The following ARHGAP26 variants were observed in gnomAD, a reference collection of about 807,000 sequenced individuals.
ARHGAP26 encodes rho GTPase-activating protein 26.
A neutral mutation model predicts 104.8 loss-of-function variants in ARHGAP26; 38 were observed. That is an observed-to-expected ratio of 0.36 (90% confidence interval 0.28 to 0.48). The LOEUF is 0.48. Ranked by LOEUF, ARHGAP26 falls within the 20% of genes least tolerant of loss-of-function variation. The probability of loss-of-function intolerance (pLI) is 0.99; values close to 1 mark genes in which losing one functional copy is unlikely to be tolerated. For synonymous variants in ARHGAP26, 341 were observed against 340.0 expected (o/e 1.00, Z -0.03); for missense variants, 704 against 947.9 (o/e 0.74, Z 3.38).
chr5:143,190,065 T>G (rs1018143559), intron 20 of ARHGAP26, among the ~76,000 whole-genome samples: 4 of 149,874 alleles, frequency 2.7e-5, no homozygotes, highest in Non-Finnish European at 5.9e-5. Flanking sequence ...GTTTCTGGGG[T>G]TCAGAATGCC....
chr5:143,199,758 G>A (rs922837842), intron 20 of ARHGAP26, among the ~76,000 whole-genome samples: 15 of 152,196 alleles, frequency 9.9e-5, no homozygotes, highest in Admixed American at 6.5e-4. Context: ...GCAGAGACGT[G>A]CAAATGCCAA....
chr5:143,143,546 A>G (rs1326037666), intron 19 of ARHGAP26, among the ~76,000 whole-genome samples: 1 of 152,240 alleles, frequency 6.6e-6, no homozygotes, highest in African/African-American at 2.4e-5. Flanking sequence ...CACTGTCATC[A>G]GTACTTTGGT....
chr5:143,114,917 G>A (rs1182809330), intron 17 of ARHGAP26, among the ~76,000 whole-genome samples: 1 of 152,070 alleles, frequency 6.6e-6, no homozygotes, highest in Non-Finnish European at 1.5e-5. Flanking sequence ...AACTTGCTGG[G>A]CAGGCTAGGG....
intron 10 of ARHGAP26, among the ~76,000 whole-genome samples, chr5:142,917,918 A>G (rs1042782143): frequency 1.2e-4 from 18 of 152,078 alleles, no homozygotes; most frequent in Non-Finnish European, 2.5e-4. Flanking sequence ...TAGCAGTAGT[A>G]TCACTTGTCA....
intron 17 of ARHGAP26, among the ~76,000 whole-genome samples, chr5:143,062,877 GCT>G (rs1701375827): frequency 1.3e-5 from 2 of 152,202 alleles, no homozygotes; most frequent in South Asian, 4.1e-4. Flanking sequence ...CATGAGAAGT[GCT>G]AGTTATTCAT....
At chr5:143,171,095 A>G (rs745486770) in intron 20 of ARHGAP26, among the ~76,000 whole-genome samples, 26 of 152,236 alleles carry the variant, frequency 1.7e-4, no homozygotes, top group Non-Finnish European at 3.4e-4. Flanking sequence ...TAAAGGATAA[A>G]AATGGATTCC....
intron 20 of ARHGAP26, among the ~76,000 whole-genome samples, chr5:143,190,972 T>C (rs1274498503): frequency 6.6e-6 from 1 of 152,204 alleles, no homozygotes; most frequent in Non-Finnish European, 1.5e-5. Context: ...TTGTGAAATA[T>C]CTAGAAAAGG....
At chr5:143,133,003 A>G (rs945688509) in intron 18 of ARHGAP26, among the ~76,000 whole-genome samples, 3 of 152,362 alleles carry the variant, frequency 2.0e-5, no homozygotes, top group Middle Eastern at 6.8e-3. Context: ...AGTGAGCTAC[A>G]TGAAAAGTAC....
intron 19 of ARHGAP26, among the ~76,000 whole-genome samples, chr5:143,145,731 T>C (rs1227510723): frequency 6.6e-6 from 1 of 152,168 alleles, no homozygotes; most frequent in Non-Finnish European, 1.5e-5. Flanking sequence ...TCAATCTACT[T>C]TTTCCAAATC....
intron 11 of ARHGAP26, among the ~76,000 whole-genome samples, chr5:142,992,616 A>G (rs1419903059): frequency 1.3e-5 from 2 of 151,454 alleles, no homozygotes; most frequent in Non-Finnish European, 2.9e-5. Context: ...TTTAGTAGAG[A>G]AGGGGTTTCA....
At chr5:143,136,266 AG>A (rs1797895377) in intron 19 of ARHGAP26, among the ~76,000 whole-genome samples, 2 of 152,196 alleles carry the variant, frequency 1.3e-5, no homozygotes, top group South Asian at 4.1e-4. Context: ...AGAGGATGAA[AG>A]TTAAGGATGT....
chr5:142,864,176 A>C lies in ARHGAP26; in HGVS notation c.155-9224A>C, dbSNP rs375233118. Reference sequence around the variant, plus strand: ...GGCCAAGCTCAAGTTCCACCTTCTGAGGAAGCCCAGTACTTCAGGCCTGTG... The same window carrying C: ...GGCCAAGCTCAAGTTCCACCTTCTGCGGAAGCCCAGTACTTCAGGCCTGTG... On this transcript the variant is annotated intron_variant, in intron 1 of 22. Transcript: ENST00000645722. Among the ~76,000 whole-genome samples the C allele has an allele frequency of 5.7e-4, 87 of 152,134 alleles. 1 individual carries two copies. Among genetic ancestry groups the C allele is most frequent in the African/African-American group, 2.1e-3 (86 of 41,476 alleles).
At chr5:142,888,085 A>G (rs1757981081) in intron 5 of ARHGAP26, among the ~76,000 whole-genome samples, 1 of 152,216 alleles carries the variant, frequency 6.6e-6, no homozygotes, top group Admixed American at 6.5e-5. Context: ...TTGAATGCAT[A>G]TTTATGGCCT....
At chr5:143,205,980 T>C (rs940321367) in intron 20 of ARHGAP26, among the ~76,000 whole-genome samples, 1 of 152,238 alleles carries the variant, frequency 6.6e-6, no homozygotes, top group Non-Finnish European at 1.5e-5. Context: ...TCACATTAGT[T>C]TGAGCCTCTC....
At chr5:142,810,952 A>G (rs1763957873) in intron 1 of ARHGAP26, among the ~76,000 whole-genome samples, 2 of 152,198 alleles carry the variant, frequency 1.3e-5, no homozygotes, top group South Asian at 4.1e-4. Flanking sequence ...TGTATTCACC[A>G]TATTCTTGGA....
At chr5:142,873,779 A>T (rs1365355796) in intron 2 of ARHGAP26, among the ~76,000 whole-genome samples, 1 of 152,074 alleles carries the variant, frequency 6.6e-6, no homozygotes, top group Non-Finnish European at 1.5e-5. Flanking sequence ...CCGGCTGGTG[A>T]CATTCTTCCC....
Position 142,880,911 on chromosome 5 carries a change from C to T in ARHGAP26, c.384+1466C>T, listed in dbSNP as rs567953792. On this transcript the variant is annotated intron_variant, in intron 4 of 22. Coordinates refer to ENST00000645722, the MANE Select transcript of ARHGAP26 (RefSeq NM_001135608.3). ...AGAGGGACTGTGGCAAAGACTTTCT[C>T]CCAGTTTTAGAGTATTTTCTACTAA... Among the ~76,000 whole-genome samples, 14 of 152,300 alleles carry T rather than the reference C, an allele frequency of 9.2e-5. No individual in the cohort carries two copies. The South Asian group carries it at 2.9e-3, about 32-fold the overall frequency.
At chr5:142,873,305 C>T (rs1206207696) in intron 1 of ARHGAP26, 95 bp from the exon 2 acceptor site, 2 of 834,902 alleles carry the variant, frequency 2.4e-6, no homozygotes, top group East Asian at 5.4e-5. Context: ...AAATCCGCCT[C>T]CTAAGATATT....
chr5:142,992,845 G>A (rs7712624), intron 11 of ARHGAP26, among the ~76,000 whole-genome samples: 3,621 of 152,302 alleles, frequency 0.024, 63 homozygotes, highest in Middle Eastern at 0.054. Flanking sequence ...TCTGTGCCTC[G>A]CCTGATGCGG....
Sources: gnomAD v4.1 joint callset for allele counts (sites outside exome capture counted in the v4.1 genomes callset) on GRCh38, gnomAD v4.1.1 for gene constraint, MANE v1.5 for transcripts, NCBI Gene and HGNC (gene_info 2026-07-23, HGNC 2026-07-21) for gene names.